Variants in PDLIM5 observed in about 807,000 individuals in gnomAD.
The protein encoded by PDLIM5 is PDZ and LIM domain protein 5.
Under a neutral mutation model 64.2 loss-of-function variants are expected in PDLIM5, and 34 were observed. The observed-to-expected ratio is 0.53, with a 90% CI of 0.40 to 0.71. The LOEUF is 0.71. Ranked by LOEUF, PDLIM5 falls within the 30% of genes least tolerant of loss-of-function variation. The pLI is 0.00. For missense variants in PDLIM5, 683 were observed against 733.6 expected (o/e 0.93, Z 0.80); for synonymous variants, 253 against 269.1 (o/e 0.94, Z 0.59).
Position 94,666,509 on chromosome 4 carries a change from A to C in PDLIM5, c.*2442A>C, listed in dbSNP as rs1298336732. On this transcript the variant is annotated 3_prime_UTR_variant, in exon 13 of 13. Coordinates refer to ENST00000317968, the MANE Select transcript of PDLIM5 (RefSeq NM_006457.5). The stretch of plus-strand genomic sequence containing the variant: ...GCATTGTCATATAATGTACACTGTC[A>C]CATCTTTACAGTCTTGTATGTTATA... 1 of 154,180 alleles carries C rather than the reference A, an allele frequency of 6.5e-6. No homozygotes were observed. The highest frequency in any genetic ancestry group is 1.4e-5 in the Non-Finnish European group (1 of 69,134). The allele number at this position is 154,180 out of a possible 1,614,324, so 9.6% of individuals were successfully genotyped here.
chr4:94,591,662 T>C (rs1736682946), intron 7 of PDLIM5, among the ~76,000 whole-genome samples: 1 of 152,236 alleles, frequency 6.6e-6, no homozygotes, highest in Non-Finnish European at 1.5e-5. Context: ...AAGACCAACT[T>C]GGAGGGACCA....
At chr4:94,506,250 T>C (rs1278199028) in intron 2 of PDLIM5, among the ~76,000 whole-genome samples, 1 of 152,256 alleles carries the variant, frequency 6.6e-6, no homozygotes, top group African/African-American at 2.4e-5. Context: ...TAGTATGATA[T>C]AATTTATGGA....
chr4:94,611,580 A>G (rs1227537657), intron 7 of PDLIM5, among the ~76,000 whole-genome samples: 1 of 152,344 alleles, frequency 6.6e-6, no homozygotes, highest in South Asian at 2.1e-4. Context: ...ATAATGATCA[A>G]TTTTGATTGG....
intron 2 of PDLIM5, among the ~76,000 whole-genome samples, chr4:94,474,341 C>T (rs920562258): frequency 2.6e-5 from 4 of 152,158 alleles, no homozygotes; most frequent in Non-Finnish European, 5.9e-5. Context: ...ACCTCCGCCT[C>T]CTGGGTTCAA....
intron 11 of PDLIM5, among the ~76,000 whole-genome samples, chr4:94,658,712 T>G (rs1560771608): frequency 6.6e-6 from 1 of 152,206 alleles, no homozygotes; most frequent in Non-Finnish European, 1.5e-5. Flanking sequence ...TCCTTTCAGC[T>G]CCTTAGTTTA....
rs1466055810 is a variant in PDLIM5 at position 94,456,942 on chromosome 4, G to A, written c.96+1558G>A. On this transcript the variant is annotated intron_variant, in intron 2 of 12. Coordinates refer to ENST00000317968, the MANE Select transcript of PDLIM5 (RefSeq NM_006457.5). ...TGCGCTCACATGACTGTATGGAAGA[G>A]CTGGCTTTCCAACAGTTATGCTGTG... is the stretch of plus-strand genomic sequence containing the variant. 3.0e-6 allele frequency: 3 copies of A among 990,464 alleles called. No homozygotes were observed. The East Asian group carries it at 3.4e-4, about 111-fold the overall frequency. 61.4% of individuals were successfully genotyped at this position (990,464 alleles called of 1,614,324 possible).
At chr4:94,635,798 C>T (rs866109637) in intron 8 of PDLIM5, among the ~76,000 whole-genome samples, 1 of 152,148 alleles carries the variant, frequency 6.6e-6, no homozygotes, top group Non-Finnish European at 1.5e-5. Context: ...TGTGCTAGAG[C>T]GGTGGTGAGA....
At chr4:94,555,043 G>A (rs1578364946) in intron 3 of PDLIM5, among the ~76,000 whole-genome samples, 1 of 152,158 alleles carries the variant, frequency 6.6e-6, no homozygotes, top group East Asian at 1.9e-4. Context: ...TGTTAAGTTA[G>A]GTGTGTTAAA....
chr4:94,645,036 A>G (rs1326280949), intron 9 of PDLIM5, among the ~76,000 whole-genome samples: 1 of 152,130 alleles, frequency 6.6e-6, no homozygotes, highest in Non-Finnish European at 1.5e-5. Flanking sequence ...GTATACTCTG[A>G]ACCTAATTTG....
chr4:94,490,883 C>G (rs894834370), intron 2 of PDLIM5, among the ~76,000 whole-genome samples: 1 of 152,106 alleles, frequency 6.6e-6, no homozygotes, highest in African/African-American at 2.4e-5. Flanking sequence ...TCTTAATATA[C>G]TTTTCAGTTC....
intron 2 of PDLIM5, among the ~76,000 whole-genome samples, chr4:94,520,319 C>T (rs1301048167): frequency 1.3e-5 from 2 of 152,220 alleles, no homozygotes; most frequent in African/African-American, 4.8e-5. Flanking sequence ...GAGCCTCCCA[C>T]AACTGCTTCC....
chr4:94,649,709 A>G (rs1476940208), intron 9 of PDLIM5, among the ~76,000 whole-genome samples: 5 of 152,236 alleles, frequency 3.3e-5, no homozygotes, highest in Admixed American at 6.5e-5. Context: ...TAGAATGTAT[A>G]TTAGTGTTGC....
chr4:94,634,297 A>C (rs1004324826), intron 8 of PDLIM5, among the ~76,000 whole-genome samples: 1 of 152,154 alleles, frequency 6.6e-6, no homozygotes, highest in Non-Finnish European at 1.5e-5. Flanking sequence ...TTGGACCAAG[A>C]TGTACTATGG....
At chr4:94,587,586 C>T in intron 7 of PDLIM5, 1 of 962,900 alleles carries the variant, frequency 1.0e-6, no homozygotes. Flanking sequence ...TAAACAAAGA[C>T]TTTATTAAAG....
chr4:94,468,823 A>G (rs1255578650), intron 2 of PDLIM5, among the ~76,000 whole-genome samples: 1 of 152,268 alleles, frequency 6.6e-6, no homozygotes, highest in Admixed American at 6.5e-5. Context: ...GACACATGTC[A>G]GAGCCATAAG....
Position 94,544,379 on chromosome 4 carries a change from A to G in PDLIM5, c.248+20504A>G, listed in dbSNP as rs1008776344. On this transcript the variant is annotated intron_variant, in intron 3 of 12. Transcript: ENST00000317968. ...GCCACCATTCCACCCATATAGGTAC[A>G]TATTCTTTTTTGTTGTGTTTTGAAG... is the stretch of plus-strand genomic sequence containing the variant. Among the ~76,000 whole-genome samples the G allele has an allele frequency of 3.9e-5, 6 of 152,248 alleles. No homozygotes were observed. In the East Asian group the frequency reaches 1.2e-3, roughly 29 times the overall value.
intron 3 of PDLIM5, among the ~76,000 whole-genome samples, chr4:94,524,906 G>T (rs1292105236): frequency 2.0e-5 from 3 of 152,146 alleles, no homozygotes; most frequent in Non-Finnish European, 4.4e-5. Context: ...TGGAAGGGTA[G>T]CTGTGAACCT....
chr4:94,524,812 T>G (rs1174204333), intron 3 of PDLIM5, among the ~76,000 whole-genome samples: 2 of 152,188 alleles, frequency 1.3e-5, no homozygotes, highest in African/African-American at 4.8e-5. Flanking sequence ...TGAAGTTCTC[T>G]GTGGTTATTA....
intron 2 of PDLIM5, among the ~76,000 whole-genome samples, chr4:94,463,495 G>C (rs1724077479): frequency 6.6e-6 from 1 of 152,060 alleles, no homozygotes; most frequent in Non-Finnish European, 1.5e-5. Context: ...TTAAGTGGAA[G>C]GGAGTCATCA....
Sources: allele counts gnomAD v4.1 joint callset (sites outside exome capture counted in the v4.1 genomes callset), GRCh38; gene constraint gnomAD v4.1.1; transcripts MANE v1.5; gene names NCBI Gene and HGNC (gene_info 2026-07-23, HGNC 2026-07-21).